PIAS1: variants seen among roughly 807,000 people sequenced by gnomAD.
PIAS1 encodes the protein protein inhibitor of activated STAT 1, also known as E3 SUMO-protein ligase PIAS1.
A neutral mutation model predicts 71.3 loss-of-function variants in PIAS1; 6 were observed. The observed-to-expected ratio is 0.08, with a 90% confidence interval of 0.05 to 0.17. The LOEUF (loss-of-function observed/expected upper bound fraction) is 0.17. Among genes scored for constraint, PIAS1 ranks in the 10% least tolerant of loss-of-function variants. The pLI is 1.00. For synonymous variants in PIAS1, 303 were observed against 292.9 expected, an observed-to-expected ratio of 1.03 and a Z score of -0.35; for missense variants, 555 against 793.6, an observed-to-expected ratio of 0.70 and a Z score of 3.61.
At chr15:68,130,606 G>T (rs903009356) in intron 2 of PIAS1, among the ~76,000 whole-genome samples, 2 of 147,020 alleles carry the variant, frequency 1.4e-5, no homozygotes, top group African/African-American at 5.0e-5. Context: ...ACTACAAAAT[G>T]TTCTCAGTTA....
At position 68,054,731 on chromosome 15, in the gene PIAS1, G is replaced by C. The variant is rs116934048; in HGVS notation, c.24+381G>C. The C allele has an allele frequency of 2.9e-5, 5 of 175,220 alleles. No homozygotes were observed. Among genetic ancestry groups the C allele is most frequent in the African/African-American group, 4.7e-5 (2 of 42,360 alleles). 10.9% of individuals were successfully genotyped at this position (175,220 alleles called of 1,614,324 possible). A position where few individuals can be genotyped will look rare whatever the true frequency, so the allele number is the denominator to read the frequency against. ...GGCTGGGGGCAGGGTGCTCTCGTAG[G>C]GGGGATTGGGAAAGCTCCCCGTGGC... On this transcript the variant is annotated intron_variant, in intron 1 of 13. Transcript: ENST00000249636. The surrounding 1 kb of genome is among the most constrained non-coding windows in gnomAD (Gnocchi z 4.6).
intron 2 of PIAS1, among the ~76,000 whole-genome samples, chr15:68,141,166 T>C (rs1252468758): frequency 6.6e-6 from 1 of 152,088 alleles, no homozygotes; most frequent in East Asian, 1.9e-4. Context: ...GCCACTGTAC[T>C]CCAGCCTGGG....
chr15:68,063,542 T>C (rs2091983508), intron 1 of PIAS1, among the ~76,000 whole-genome samples: 1 of 152,218 alleles, frequency 6.6e-6, no homozygotes, highest in Admixed American at 6.5e-5. Flanking sequence ...TATTTTTGGG[T>C]ATCTGCTGTG....
At chr15:68,062,275 C>G (rs550699904) in intron 1 of PIAS1, among the ~76,000 whole-genome samples, 1 of 152,138 alleles carries the variant, frequency 6.6e-6, no homozygotes, top group South Asian at 2.1e-4. Flanking sequence ...ATGGAAAGAC[C>G]TCATCATCTT....
rs1288384096 is a variant in PIAS1, at chr15:68,134,353, C to T, written c.470-7593C>T. ...TCATCTCCCAGACGAGGCGGCTGGC[C>T]GGGCGGGGGGCTGACCCCCCCACCT... On this transcript the variant is annotated intron_variant, in intron 2 of 13. Transcript: ENST00000249636. 7.9e-5 allele frequency among the ~76,000 whole-genome samples: 3 copies of T among 37,806 alleles called. 1 individual carries two copies. The highest frequency in any genetic ancestry group is 7.7e-4 in the East Asian group (1 of 1,300). The allele number at this position is 37,806 out of a possible 152,430, so 24.8% of individuals were successfully genotyped here. A position where few individuals can be genotyped will look rare whatever the true frequency, so the allele number is the denominator to read the frequency against.
At chr15:68,115,000 A>G (rs1013337330) in intron 2 of PIAS1, among the ~76,000 whole-genome samples, 5 of 152,080 alleles carry the variant, frequency 3.3e-5, no homozygotes, top group Admixed American at 1.3e-4. Context: ...TAGGCTCTTA[A>G]TATTCACAAG....
chr15:68,070,662 G>A (rs1046088445), intron 1 of PIAS1, among the ~76,000 whole-genome samples: 4 of 151,962 alleles, frequency 2.6e-5, no homozygotes, highest in South Asian at 4.2e-4. Context: ...ACTGGATTTC[G>A]AAGACATAGT....
At chr15:68,120,242 CT>C (rs373966418) in intron 2 of PIAS1, among the ~76,000 whole-genome samples, 5,559 of 145,716 alleles carry the variant, frequency 0.038, 229 homozygotes, top group African/African-American at 0.11. Context: ...TTATAGTTGT[CT>C]TTTTTTTTTT....
intron 4 of PIAS1, among the ~76,000 whole-genome samples, chr15:68,143,241 CAGTT>C (rs1465277381): frequency 3.9e-5 from 6 of 152,164 alleles, no homozygotes; most frequent in African/African-American, 7.2e-5. Flanking sequence ...ATAAATCAAA[CAGTT>C]AGCCTTGTCT....
At chr15:68,097,432 ATTTAT>A (rs1412672290) in intron 2 of PIAS1, among the ~76,000 whole-genome samples, 1 of 150,948 alleles carries the variant, frequency 6.6e-6, no homozygotes, top group African/African-American at 2.5e-5. Context: ...TAATTAATTA[ATTTAT>A]TTATTTATTT....
intron 2 of PIAS1, among the ~76,000 whole-genome samples, chr15:68,094,627 A>C (rs1297346145): frequency 6.6e-6 from 1 of 152,142 alleles, no homozygotes; most frequent in Non-Finnish European, 1.5e-5. Context: ...CTTAATATCC[A>C]GTGCCTGGAG....
chr15:68,155,687 C>T (rs1267371737), intron 7 of PIAS1, among the ~76,000 whole-genome samples: 2 of 152,150 alleles, frequency 1.3e-5, no homozygotes, highest in African/African-American at 4.8e-5. Flanking sequence ...TTAGACTTTT[C>T]ACAGAGAACT....
intron 2 of PIAS1, among the ~76,000 whole-genome samples, chr15:68,099,876 C>G (rs2092408380): frequency 6.6e-6 from 1 of 152,020 alleles, no homozygotes; most frequent in Non-Finnish European, 1.5e-5. Flanking sequence ...TTCCTAATGA[C>G]TAATGATGTT....
rs1188255634 is a variant in PIAS1, at chr15:68,173,798, G to T, written c.1075G>T (p.Ala359Ser). 4 of 1,598,122 alleles carry T rather than the reference G, an allele frequency of 2.5e-6. No homozygotes were observed. The highest frequency in any genetic ancestry group is 3.4e-6 in the Non-Finnish European group (4 of 1,168,588). The change falls in exon 9 of 14, where the codon GCA (alanine) becomes TCA (serine). Residue 359 changes from alanine (A) to serine (S), a missense_variant. Physicochemically the swap from Ala to Ser is moderately conservative, Grantham distance 99. Around this residue, in one of 5 missense-constraint regions of PIAS1, gnomAD observed 49 missense variants for 129.2 expected, o/e 0.38. Coordinates refer to ENST00000249636, the MANE Select transcript of PIAS1 (RefSeq NM_016166.3). This position sits in a 1 kb window ranked among gnomAD's most constrained non-coding sequence, Gnocchi z 4.3. ...LTCSHLQCFD[A>S]TLYIQMNEKK... Reference sequence around the variant, plus strand: ...ATGTTCTCATCTACAATGTTTTGACGCAACTCTTTACATTCAGATGAATGA... The same window carrying T: ...ATGTTCTCATCTACAATGTTTTGACTCAACTCTTTACATTCAGATGAATGA...
chr15:68,107,116 A>C (rs1231597723), intron 2 of PIAS1, among the ~76,000 whole-genome samples: 1 of 152,204 alleles, frequency 6.6e-6, no homozygotes, highest in Non-Finnish European at 1.5e-5. Flanking sequence ...CCAGTAAATG[A>C]ATCTTGCTAT....
At chr15:68,151,405 G>A (rs1017589257) in intron 6 of PIAS1, among the ~76,000 whole-genome samples, 1 of 151,892 alleles carries the variant, frequency 6.6e-6, no homozygotes, top group African/African-American at 2.4e-5. Context: ...GTAATTCCAA[G>A]TTCTGAAGAT....
intron 7 of PIAS1, among the ~76,000 whole-genome samples, chr15:68,161,605 A>G (rs140554799): frequency 6.6e-6 from 1 of 152,198 alleles, no homozygotes; most frequent in East Asian, 1.9e-4. Context: ...AACAATAGCT[A>G]ATATTTATTG....
chr15:68,113,393 T>C (rs1446162694), intron 2 of PIAS1, among the ~76,000 whole-genome samples: 2 of 152,232 alleles, frequency 1.3e-5, no homozygotes, highest in African/African-American at 2.4e-5. Flanking sequence ...ATCCCAATTA[T>C]AGTCTGCTTA....
chr15:68,094,161 T>G (rs74020030), intron 2 of PIAS1, among the ~76,000 whole-genome samples: 1 of 151,882 alleles, frequency 6.6e-6, no homozygotes, highest in Non-Finnish European at 1.5e-5. Flanking sequence ...TTCCTGTGCT[T>G]TTTTAAAGGT....
Sources: allele counts gnomAD v4.1 joint callset (sites outside exome capture counted in the v4.1 genomes callset), GRCh38; gene constraint gnomAD v4.1.1; regional missense constraint gnomAD v4.1.1; non-coding constraint Gnocchi (gnomAD v3.1); transcripts MANE v1.5; gene names NCBI Gene and HGNC (gene_info 2026-07-23, HGNC 2026-07-21).